CACUL1: variants seen among roughly 807,000 people sequenced by gnomAD.
CACUL1 encodes CDK2 associated cullin domain 1, also known as CDK2-associated and cullin domain-containing protein 1.
In CACUL1, 13 loss-of-function variants were observed where a neutral mutation model predicts 45.2. The ratio of observed to expected loss-of-function variants is 0.29; its 90% CI spans 0.19 to 0.46. CACUL1 has a LOEUF of 0.46. Among genes scored for constraint, CACUL1 ranks in the 20% least tolerant of loss-of-function variants. CACUL1 has a pLI of 1.00. For synonymous variants in CACUL1, 197 were observed against 174.2 expected (o/e 1.13, Z -1.03); for missense variants, 421 against 471.4 (o/e 0.89, Z 0.99).
intron 5 of CACUL1, among the ~76,000 whole-genome samples, chr10:118,701,043 G>A (rs902639424): frequency 3.9e-5 from 6 of 152,104 alleles, no homozygotes; most frequent in East Asian, 3.8e-4. Context: ...AAAAAGGGGC[G>A]GCGGGGAGGG....
chr10:118,683,515 C>G lies in CACUL1; in HGVS notation c.*2613G>C, dbSNP rs1462831807. ...GACCAGCCTGACCAACATGGTGAAA[C>G]CCCGTCTCTACTAAAAACAAAATAC... On this transcript the variant is annotated 3_prime_UTR_variant, in exon 9 of 9. Transcript: ENST00000369151. 6.6e-6 allele frequency: 1 copy of G among 151,460 alleles called. No homozygotes were observed. The highest frequency in any genetic ancestry group is 1.9e-4 in the East Asian group (1 of 5,166). The allele number at this position is 151,460 out of a possible 1,614,324, so 9.4% of individuals were successfully genotyped here. A position where few individuals can be genotyped will look rare whatever the true frequency, so the allele number is the denominator to read the frequency against.
chr10:118,730,184 T>A, intron 2 of CACUL1, 100 bp downstream of exon 2: 1 of 1,230,310 alleles, frequency 8.1e-7, no homozygotes. Context: ...CAGAGCCTCA[T>A]CTTATGCATT....
chr10:118,754,650 G>A lies in CACUL1; in HGVS notation c.113C>T (p.Pro38Leu), dbSNP rs760888615. 7.5e-6 allele frequency: 12 copies of A among 1,606,010 alleles called. No homozygotes were observed. Among genetic ancestry groups the A allele is most frequent in the Admixed American group, 1.7e-5 (1 of 58,296 alleles). ...CGGGATCGACGAGGGGGGCGGCGGAGGTGGCAGGGGCTGCCGGAAGCCGTC... is the reference window on the plus strand; with the variant it reads ...CGGGATCGACGAGGGGGGCGGCGGAAGTGGCAGGGGCTGCCGGAAGCCGTC... ...AVDGFRQPLPPPPPPSSIPAP... is the reference protein window; with the variant it reads ...AVDGFRQPLPLPPPPSSIPAP... Residue 38 changes from proline to leucine, a missense_variant, in exon 1 of 9, where the codon CCT becomes CTT. Transcript: ENST00000369151.
At chr10:118,700,058 A>C (rs68135249) in intron 5 of CACUL1, among the ~76,000 whole-genome samples, 26,966 of 151,824 alleles carry the variant, frequency 0.18, 3,046 homozygotes, top group African/African-American at 0.3. Flanking sequence ...TGAAAAAAAA[A>C]CCCTGCCTTT....
chr10:118,729,415 AC>A lies in CACUL1; in HGVS notation c.495-19del, dbSNP rs368419003. On this transcript the variant is annotated intron_variant, in intron 2 of 8. Transcript: ENST00000369151. ...ACACACAACTGTAAAACAAACAAAA[AC>A]CCCCACAAACCAAGTTAATCATAAA... The A allele has an allele frequency of 7.5e-5, 117 of 1,559,406 alleles. No individual in the cohort carries two copies. The highest frequency in any genetic ancestry group is 2.7e-5 in the African/African-American group (2 of 73,770).
chr10:118,729,702 TTCTC>T (rs1056535301), intron 2 of CACUL1, among the ~76,000 whole-genome samples: 1 of 152,286 alleles, frequency 6.6e-6, no homozygotes, highest in East Asian at 1.9e-4. Context: ...ATAAACCAGG[TTCTC>T]TCTCTCTTTT....
chr10:118,677,719 T>G lies in CACUL1; in HGVS notation c.*8409A>C, dbSNP rs1207579225. The G allele has an allele frequency of 1.3e-5, 2 of 152,192 alleles. No homozygotes were observed. The highest frequency in any genetic ancestry group is 2.9e-5 in the Non-Finnish European group (2 of 68,024). 9.4% of individuals were successfully genotyped at this position (152,192 alleles called of 1,614,324 possible). On this transcript the variant is annotated 3_prime_UTR_variant, in exon 9 of 9. Coordinates refer to ENST00000369151, the MANE Select transcript of CACUL1 (RefSeq NM_153810.5). ...TGATGCCTTGACCACTCTAGAGAAT[T>G]CCACAGCATACACTTCATTTATTCA... is the stretch of plus-strand genomic sequence containing the variant.
chr10:118,725,861 T>C (rs1386890664), intron 3 of CACUL1, among the ~76,000 whole-genome samples: 2 of 152,240 alleles, frequency 1.3e-5, no homozygotes, highest in South Asian at 2.1e-4. Context: ...CTGGAGAATA[T>C]GGGAACATTA....
intron 3 of CACUL1, among the ~76,000 whole-genome samples, chr10:118,727,403 T>TAA (rs11454535): frequency 0.26 from 38,174 of 144,418 alleles, 6,164 homozygotes; most frequent in South Asian, 0.37. Context: ...TCAAAAAAAT[T>TAA]AAAAAAAAAA....
chr10:118,725,072 T>C (rs1845639290), intron 3 of CACUL1, among the ~76,000 whole-genome samples: 2 of 152,246 alleles, frequency 1.3e-5, no homozygotes, highest in African/African-American at 2.4e-5. Context: ...TAGTCATCTA[T>C]TTCCATTCAC....
chr10:118,704,681 T>C (rs1371927097), intron 4 of CACUL1, among the ~76,000 whole-genome samples: 1 of 152,234 alleles, frequency 6.6e-6, no homozygotes, highest in African/African-American at 2.4e-5. Context: ...TTAACCTTTT[T>C]TGTATATTCA....
chr10:118,737,068 A>G (rs1845747155), intron 1 of CACUL1, among the ~76,000 whole-genome samples: 1 of 151,900 alleles, frequency 6.6e-6, no homozygotes, highest in African/African-American at 2.4e-5. Flanking sequence ...CAGAATTCTC[A>G]GAATGTATCC....
At chr10:118,710,591 TA>T (rs1329029062) in intron 3 of CACUL1, among the ~76,000 whole-genome samples, 2 of 152,180 alleles carry the variant, frequency 1.3e-5, no homozygotes, top group Non-Finnish European at 2.9e-5. Context: ...TAACTTCTCC[TA>T]GTCATTCCTT....
chr10:118,693,860 C>T, intron 6 of CACUL1: 2 of 402,776 alleles, frequency 5.0e-6, no homozygotes, highest in Non-Finnish European at 9.7e-6. Flanking sequence ...ACCCTAGATC[C>T]AAATTTAACA....
rs1845105944 is a variant in CACUL1 at position 118,677,090 on chromosome 10, C to T, written c.*9038G>A. Reference sequence around the variant, plus strand: ...GTTTAATGTTCTCTAATTATACCAGCACCTTTCATAAAATAATTGACCATG... The same window carrying T: ...GTTTAATGTTCTCTAATTATACCAGTACCTTTCATAAAATAATTGACCATG... On this transcript the variant is annotated 3_prime_UTR_variant, in exon 9 of 9. Coordinates refer to ENST00000369151, the MANE Select transcript of CACUL1 (RefSeq NM_153810.5). 6.6e-6 allele frequency: 1 copy of T among 152,124 alleles called. No individual in the cohort carries two copies. Among genetic ancestry groups the T allele is most frequent in the African/African-American group, 2.4e-5 (1 of 41,406 alleles). 9.4% of individuals were successfully genotyped at this position (152,124 alleles called of 1,614,324 possible). A position where few individuals can be genotyped will look rare whatever the true frequency, so the allele number is the denominator to read the frequency against.
At chr10:118,700,716 C>CCA (rs1845370814) in intron 5 of CACUL1, among the ~76,000 whole-genome samples, 1 of 132,946 alleles carries the variant, frequency 7.5e-6, no homozygotes, top group Non-Finnish European at 1.5e-5. Context: ...GACTCCGTCT[C>CCA]AAAAAAAAAA....
intron 2 of CACUL1, among the ~76,000 whole-genome samples, 164 bp from the exon 3 acceptor site, chr10:118,729,561 C>T (rs1022397240): frequency 2.0e-5 from 3 of 152,188 alleles, no homozygotes; most frequent in Non-Finnish European, 4.4e-5. Flanking sequence ...CCTCCCCCAT[C>T]GGTGTTCGGA....
chr10:118,752,091 G>A (rs915461467), intron 1 of CACUL1, among the ~76,000 whole-genome samples: 3 of 152,088 alleles, frequency 2.0e-5, no homozygotes, highest in Non-Finnish European at 4.4e-5. Context: ...GGTTCATCTA[G>A]GTAGGTGATC....
chr10:118,745,461 C>G (rs2119675739), intron 1 of CACUL1, among the ~76,000 whole-genome samples: 1 of 152,024 alleles, frequency 6.6e-6, no homozygotes, highest in South Asian at 2.1e-4. Flanking sequence ...ACTCGGGAGG[C>G]TGAGAAAGGG....
Sources: allele counts gnomAD v4.1 joint callset (sites outside exome capture counted in the v4.1 genomes callset), GRCh38; gene constraint gnomAD v4.1.1; transcripts MANE v1.5; gene names NCBI Gene and HGNC (gene_info 2026-07-23, HGNC 2026-07-21).